TIAM2: variants seen among roughly 807,000 people sequenced by gnomAD.
TIAM2 encodes rho guanine nucleotide exchange factor TIAM2.
In TIAM2, 80 loss-of-function variants were observed where a neutral mutation model predicts 152.9. The observed-to-expected ratio is 0.52, with a 90% CI of 0.44 to 0.63. The LOEUF (loss-of-function observed/expected upper bound fraction) is 0.63, where lower values mean the gene tolerates loss of function less well. Ranked by LOEUF, TIAM2 falls within the 30% of genes least tolerant of loss-of-function variation. The probability of loss-of-function intolerance (pLI) is 0.00; values close to 1 mark genes in which losing one functional copy is unlikely to be tolerated. For synonymous variants in TIAM2, 804 were observed against 838.0 expected (o/e 0.96, Z 0.70); for missense variants, 1,965 against 2,120.1 (o/e 0.93, Z 1.44).
Position 155,148,225 on chromosome 6 carries a change from C to G in TIAM2, c.1919C>G (p.Thr640Ser). The stretch of plus-strand genomic sequence containing the variant: ...ACGCTGCGGCTGCTGAAGAACCAGA[C>G]CAAAAACCTGCTTCAGAAGATAGAC... ...EDTLRLLKNQ[T>S]KNLLQKIDMD... The change falls in exon 7 of 27, where the codon ACC (threonine) becomes AGC (serine). Residue 640 changes from threonine (T) to serine (S), a missense_variant. Around this residue, in one of 3 missense-constraint regions of TIAM2, gnomAD observed 1,025 missense variants for 1,119.4 expected, o/e 0.92. Coordinates refer to ENST00000682666, the MANE Select transcript of TIAM2 (RefSeq NM_012454.4). 2 of 1,613,054 alleles carry G rather than the reference C, an allele frequency of 1.2e-6. No individual in the cohort carries two copies. Among genetic ancestry groups the G allele is most frequent in the African/African-American group, 1.3e-5 (1 of 74,998 alleles).
intron 14 of TIAM2, among the ~76,000 whole-genome samples, chr6:155,202,536 A>T (rs1422295080): frequency 7.9e-5 from 12 of 151,698 alleles, no homozygotes; most frequent in Non-Finnish European, 1.8e-4. Flanking sequence ...CTCCTGCCTC[A>T]GCCTCCTGAG....
At chr6:155,197,892 G>A (rs115163669) in intron 14 of TIAM2, among the ~76,000 whole-genome samples, 2,041 of 152,284 alleles carry the variant, frequency 0.013, 39 homozygotes, top group African/African-American at 0.046. Context: ...GCTTTGGGTG[G>A]GAACACAGCC....
chr6:155,161,060 A>G (rs1026326551), intron 7 of TIAM2, among the ~76,000 whole-genome samples: 2 of 152,184 alleles, frequency 1.3e-5, no homozygotes, highest in Non-Finnish European at 2.9e-5. Flanking sequence ...ATCTGGGTCC[A>G]TGTTCTCCCT....
chr6:155,037,765 A>G (rs1196006545), intron 1 of TIAM2, among the ~76,000 whole-genome samples: 1 of 151,982 alleles, frequency 6.6e-6, no homozygotes, highest in Non-Finnish European at 1.5e-5. Context: ...CCTGACCTCA[A>G]GTGATCTGCC....
At chr6:155,036,310 A>T (rs1323338255) in intron 1 of TIAM2, among the ~76,000 whole-genome samples, 1 of 152,068 alleles carries the variant, frequency 6.6e-6, no homozygotes, top group Admixed American at 6.6e-5. Context: ...AGGCGGGAAG[A>T]TCACTTGAGG....
In TIAM2 at chr6:155,156,164, G is replaced by A. The variant is rs561319321; in HGVS notation, c.2028+7830G>A. Among the ~76,000 whole-genome samples the A allele has an allele frequency of 6.6e-6, 1 of 152,290 alleles. No individual in the cohort carries two copies. The highest frequency in any genetic ancestry group is 2.1e-4 in the South Asian group (1 of 4,814). On this transcript the variant is annotated intron_variant, in intron 7 of 26. Coordinates refer to ENST00000682666, the MANE Select transcript of TIAM2 (RefSeq NM_012454.4). The surrounding 1 kb of genome is among the most constrained non-coding windows in gnomAD (Gnocchi z 4.4). ...CTTCTTGAAAAATGAGGAGTTTACC[G>A]GGAGAATAGAGAGGGGTCTTCCAGG...
In TIAM2 at chr6:155,253,023, G is replaced by T; in HGVS notation, c.4195G>T (p.Ala1399Ser). 6.2e-7 allele frequency: 1 copy of T among 1,614,110 alleles called. No individual in the cohort carries two copies. ...FKFRWLIPIS[A>S]LQVRLGNPAG... ...ATTCCGCTGGTTGATCCCCATCTCC[G>T]CGCTTCAAGTCAGACTGGGGAATCC... is the stretch of plus-strand genomic sequence containing the variant. The change falls in exon 24 of 27, where the codon GCG becomes TCG. Residue 1399 changes from alanine (A) to serine (S), a missense_variant. This residue lies in a region of TIAM2 where 935 missense variants were observed against 980.0 expected (regional missense o/e 0.95). Coordinates refer to ENST00000682666, the MANE Select transcript of TIAM2 (RefSeq NM_012454.4).
chr6:155,075,822 C>T (rs1044638973), intron 1 of TIAM2, among the ~76,000 whole-genome samples: 4 of 152,112 alleles, frequency 2.6e-5, no homozygotes, highest in African/African-American at 9.7e-5. Context: ...TTCTGCCATC[C>T]GTGTGAACAA....
chr6:155,252,029 A>T (rs1289112709), intron 23 of TIAM2, 26 bp downstream of exon 23: 1 of 1,566,828 alleles, frequency 6.4e-7, no homozygotes, highest in Admixed American at 1.8e-5. Flanking sequence ...ATTTTAATTT[A>T]AGCTACCTTT....
At position 155,244,618 on chromosome 6, in the gene TIAM2, A is replaced by AT. The variant is rs767999656; in HGVS notation, c.3418-39dup. On this transcript the variant is annotated intron_variant, in intron 17 of 26. Coordinates refer to ENST00000682666, the MANE Select transcript of TIAM2 (RefSeq NM_012454.4). ...GAGTTAGCGTGGTGTCCTGAACTTC[A>AT]TGGCTAATCCCCTCATTTCAAATCC... The AT allele has an allele frequency of 1.9e-6, 3 of 1,604,746 alleles. No homozygotes were observed. The African/African-American group carries it at 4.0e-5, about 22-fold the overall frequency.
At chr6:155,106,639 G>T (rs1169427837) in intron 2 of TIAM2, among the ~76,000 whole-genome samples, 1 of 152,194 alleles carries the variant, frequency 6.6e-6, no homozygotes, top group East Asian at 1.9e-4. Context: ...GTTTACTACT[G>T]CTCTAAATGC....
chr6:155,187,573 C>CCCTTTTTTTT (rs1189509294), intron 14 of TIAM2, among the ~76,000 whole-genome samples: 4 of 49,620 alleles, frequency 8.1e-5, no homozygotes, highest in East Asian at 1.3e-3. Context: ...ACCCCGCCCC[C>CCCTTTTTTTT]TTTTTTTTTT....
rs1781927040 is a variant in TIAM2, at chr6:155,218,495, C to A, written c.3168+7188C>A. On this transcript the variant is annotated intron_variant, in intron 15 of 26. Transcript: ENST00000682666. The surrounding 1 kb of genome is among the most constrained non-coding windows in gnomAD (Gnocchi z 4.5). ...ATGTGACCTGGGGCAAGTTACCCAA[C>A]CTTTGTAAGCCTGTGTGTCCTCCTC... Among the ~76,000 whole-genome samples, 1 of 152,196 alleles carries A rather than the reference C, an allele frequency of 6.6e-6. No homozygotes were observed. Among genetic ancestry groups the A allele is most frequent in the Non-Finnish European group, 1.5e-5 (1 of 68,038 alleles).
At position 155,184,728 on chromosome 6, in the gene TIAM2, A is replaced by G. The variant is rs992538481; in HGVS notation, c.3064+1228A>G. Among the ~76,000 whole-genome samples, 3 of 152,226 alleles carry G rather than the reference A, an allele frequency of 2.0e-5. No homozygotes were observed. In the East Asian group the frequency reaches 5.8e-4, roughly 29 times the overall value. ...AGTTTATTAGGTCATTTTTGGAATT[A>G]AAAAATCAGATGGTAAGATTTGCGA... On this transcript the variant is annotated intron_variant, in intron 14 of 26. Transcript: ENST00000682666.
chr6:155,248,849 G>A (rs936042525), intron 20 of TIAM2, among the ~76,000 whole-genome samples: 5 of 152,138 alleles, frequency 3.3e-5, no homozygotes, highest in African/African-American at 9.7e-5. Context: ...TTAAACCATA[G>A]GTGATAAAAT....
At chr6:155,176,687 G>A (rs1780766922) in intron 9 of TIAM2, 129 bp from the exon 10 acceptor site, 4 of 927,620 alleles carry the variant, frequency 4.3e-6, no homozygotes, top group Non-Finnish European at 6.4e-6. Flanking sequence ...AGGGCTGTGA[G>A]AAGCCAGTGA....
rs563538851 is a variant in TIAM2, at chr6:155,086,913, A to G, written c.-208-3376A>G. Among the ~76,000 whole-genome samples, 3 of 152,334 alleles carry G rather than the reference A, an allele frequency of 2.0e-5. No individual in the cohort carries two copies. In the South Asian group the frequency reaches 6.2e-4, roughly 32 times the overall value. On this transcript the variant is annotated intron_variant, in intron 1 of 26. Coordinates refer to ENST00000682666, the MANE Select transcript of TIAM2 (RefSeq NM_012454.4). ...TGAGTAAGGAATTGTGTCAGGCACC[A>G]GGGAAACAAAGTACTTCACTTTCAA...
At chr6:155,059,240 T>A (rs1304542453) in intron 1 of TIAM2, among the ~76,000 whole-genome samples, 1 of 152,080 alleles carries the variant, frequency 6.6e-6, no homozygotes, top group East Asian at 1.9e-4. Context: ...ACCTTGACAC[T>A]TTTGATGATT....
rs140142061 is a variant in TIAM2, at chr6:155,233,285, T to C, written c.3169-7245T>C. Among the ~76,000 whole-genome samples the C allele has an allele frequency of 3.9e-4, 59 of 152,338 alleles. No individual in the cohort carries two copies. The East Asian group carries it at 8.1e-3, about 21-fold the overall frequency. On this transcript the variant is annotated intron_variant, in intron 15 of 26. Transcript: ENST00000682666. ...AAGACAAAAGAGAATATCAAAGTTG[T>C]TGTGATCAAGGGAACAGATTTCACA...
Sources: gnomAD v4.1 joint callset for allele counts (sites outside exome capture counted in the v4.1 genomes callset) on GRCh38, gnomAD v4.1.1 for gene constraint, gnomAD v4.1.1 regional missense constraint, Gnocchi (gnomAD v3.1) non-coding constraint, MANE v1.5 for transcripts, NCBI Gene and HGNC (gene_info 2026-07-23, HGNC 2026-07-21) for gene names.